Variants in ECM1 observed in about 807,000 individuals in gnomAD.
ECM1 encodes extracellular matrix protein 1.
A neutral mutation model predicts 57.9 loss-of-function variants in ECM1; 54 were observed. The ratio of observed to expected loss-of-function variants is 0.93; its 90% CI spans 0.75 to 1.17. ECM1 has a LOEUF of 1.17. Among genes scored for constraint, ECM1 ranks in the 50% most tolerant of loss-of-function variants. The probability of loss-of-function intolerance (pLI) is 0.00; values close to 1 mark genes in which losing one functional copy is unlikely to be tolerated. For missense variants in ECM1, 649 were observed against 688.1 expected (o/e 0.94, Z 0.64); for synonymous variants, 237 against 259.1 (o/e 0.91, Z 0.82).
rs1350516849 is a variant in ECM1, at chr1:150,513,223, T to C, written c.1393-14T>C. On this transcript the variant is annotated splice_polypyrimidine_tract_variant and intron_variant, in intron 9 of 9. Coordinates refer to ENST00000369047, the MANE Select transcript of ECM1 (RefSeq NM_004425.4). ...CCCCACCCCATCATCTGTTTTACTT[T>C]TCTCATTCATCAGAAATTAACCTTC... The C allele has an allele frequency of 6.8e-6, 11 of 1,613,734 alleles. No individual in the cohort carries two copies. Among genetic ancestry groups the C allele is most frequent in the African/African-American group, 1.3e-5 (1 of 74,936 alleles).
chr1:150,511,436 G>T (rs1443260937), intron 6 of ECM1, 21 bp from the exon 7 acceptor site: 1 of 1,614,064 alleles, frequency 6.2e-7, no homozygotes. Context: ...AAAGTGGGCT[G>T]ATCCTCCCCT....
intron 5 of ECM1, 176 bp from the exon 6 acceptor site, chr1:150,510,700 T>C (rs975589030): frequency 1.4e-6 from 1 of 734,468 alleles, no homozygotes; most frequent in African/African-American, 1.7e-5. Context: ...CACACCTCGC[T>C]TCTCTTTTCC....
In ECM1 at chr1:150,510,091, C is replaced by G. The variant is rs1348513528; in HGVS notation, c.305-11C>G. ...TCCCTGCTCCTTGGTGCCCTCACCC[C>G]TATCTTGCAGTGGGTCCCCCTCTCC... On this transcript the variant is annotated splice_polypyrimidine_tract_variant and intron_variant, in intron 4 of 9. Coordinates refer to ENST00000369047, the MANE Select transcript of ECM1 (RefSeq NM_004425.4). 3.1e-6 allele frequency: 5 copies of G among 1,613,880 alleles called. No homozygotes were observed. Among genetic ancestry groups the G allele is most frequent in the Admixed American group, 1.7e-5 (1 of 60,006 alleles).
rs1208355898 is a variant in ECM1, at chr1:150,509,574, T to C, written c.114T>C (p.Phe38=). Residue 38 remains phenylalanine, a synonymous_variant, in exon 2 of 10, where the codon TTT becomes TTC. Coordinates refer to ENST00000369047, the MANE Select transcript of ECM1 (RefSeq NM_004425.4). ...TGQRQLRPEH[F]QEVGYAAPPS... ...AGAGGCAGCTGAGGCCAGAGCACTTTCAAGAAGGTAAGAGTTTGGGGGAGC... is the reference window on the plus strand; with the variant it reads ...AGAGGCAGCTGAGGCCAGAGCACTTCCAAGAAGGTAAGAGTTTGGGGGAGC... 6.2e-7 allele frequency: 1 copy of C among 1,614,092 alleles called. No individual in the cohort carries two copies. Among genetic ancestry groups the C allele is most frequent in the East Asian group, 2.2e-5 (1 of 44,878 alleles).
chr1:150,510,060 G>A (rs748072622), intron 4 of ECM1, 42 bp from the exon 5 acceptor site: 2 of 1,613,768 alleles, frequency 1.2e-6, no homozygotes, highest in South Asian at 2.2e-5. Flanking sequence ...GTTGACACCA[G>A]GCTGATCCCT....
At chr1:150,512,891 CT>C in intron 9 of ECM1, 79 bp downstream of exon 9, 1 of 1,460,466 alleles carries the variant, frequency 6.8e-7, no homozygotes, top group Non-Finnish European at 9.6e-7. Flanking sequence ...CACCCCTTCT[CT>C]TTAGTACCTC....
chr1:150,511,154 C>T lies in ECM1; in HGVS notation c.664C>T (p.His222Tyr). ...GGAGATTGGATATTCCCGCTGCTGC[C>T]ACTGCCGCAGCCACACAAACCGCCT... is the stretch of plus-strand genomic sequence containing the variant. ...FLEIGYSRCC[H>Y]CRSHTNRLEC... is the part of the protein sequence containing the mutation. The change falls in exon 6 of 10, where the codon CAC (histidine) becomes TAC (tyrosine). Residue 222 changes from histidine to tyrosine, a missense_variant. Physicochemically the swap from His to Tyr is moderately conservative, Grantham distance 83. Coordinates refer to ENST00000369047, the MANE Select transcript of ECM1 (RefSeq NM_004425.4). The T allele has an allele frequency of 6.2e-7, 1 of 1,614,240 alleles. No homozygotes were observed. Among genetic ancestry groups the T allele is most frequent in the Non-Finnish European group, 8.5e-7 (1 of 1,180,040 alleles).
Position 150,509,643 on chromosome 1 carries a change from C to A in ECM1, c.122-18C>A, listed in dbSNP as rs886108513. 2 of 1,613,646 alleles carry A rather than the reference C, an allele frequency of 1.2e-6. No homozygotes were observed. Among genetic ancestry groups the A allele is most frequent in the Non-Finnish European group, 8.5e-7 (1 of 1,179,778 alleles). ...CAGGAGGCACTGTGGGCTCTGATGTCTCCCCTCTTGCTTCTAGTTGGCTAC... is the reference window on the plus strand; with the variant it reads ...CAGGAGGCACTGTGGGCTCTGATGTATCCCCTCTTGCTTCTAGTTGGCTAC... On this transcript the variant is annotated intron_variant, in intron 2 of 9. Coordinates refer to ENST00000369047, the MANE Select transcript of ECM1 (RefSeq NM_004425.4).
rs778449157 is a variant in ECM1, at chr1:150,511,509, G to A, written c.761G>A (p.Arg254Gln). 12 of 1,614,034 alleles carry A rather than the reference G, an allele frequency of 7.4e-6. No individual in the cohort carries two copies. The highest frequency in any genetic ancestry group is 6.7e-5 in the East Asian group (3 of 44,900). ...FCEAEFSVKT[R>Q]PHWCCTRQGE... Reference sequence around the variant, plus strand: ...GAGGCCGAGTTCTCGGTCAAGACCCGACCCCACTGGTGCTGCACGCGGCAG... The same window carrying A: ...GAGGCCGAGTTCTCGGTCAAGACCCAACCCCACTGGTGCTGCACGCGGCAG... The change falls in exon 7 of 10, where the codon CGA becomes CAA. Residue 254 changes from arginine (R) to glutamine (Q), a missense_variant. Transcript: ENST00000369047.
rs1670376415 is a variant in ECM1, at chr1:150,509,575, C to G, written c.115C>G (p.Gln39Glu). 2 of 1,614,016 alleles carry G rather than the reference C, an allele frequency of 1.2e-6. No homozygotes were observed. Among genetic ancestry groups the G allele is most frequent in the Admixed American group, 1.7e-5 (1 of 59,996 alleles). The change falls in exon 2 of 10, where the codon CAA becomes GAA. Residue 39 changes from glutamine to glutamate, a missense_variant. Transcript: ENST00000369047. ...GAGGCAGCTGAGGCCAGAGCACTTT[C>G]AAGAAGGTAAGAGTTTGGGGGAGCA... is the stretch of plus-strand genomic sequence containing the variant. ...GQRQLRPEHFQEVGYAAPPSP... is the reference protein window; with the variant it reads ...GQRQLRPEHFEEVGYAAPPSP...
intron 7 of ECM1, 43 bp from the exon 8 acceptor site, chr1:150,512,309 G>A: frequency 6.3e-7 from 1 of 1,599,988 alleles, no homozygotes; most frequent in Non-Finnish European, 8.6e-7. Context: ...GGAGAGAAGG[G>A]GCCAAGTGTC....
At chr1:150,512,245 G>C in intron 7 of ECM1, 107 bp from the exon 8 acceptor site, 1 of 1,300,298 alleles carries the variant, frequency 7.7e-7, no homozygotes, top group Non-Finnish European at 1.1e-6. Flanking sequence ...TGGGCCTCTC[G>C]GGCTGGGAGC....
Position 150,512,460 on chromosome 1 carries a change from C to T in ECM1, c.1192C>T (p.Arg398Cys), listed in dbSNP as rs758198816. 15 of 1,613,738 alleles carry T rather than the reference C, an allele frequency of 9.3e-6. No homozygotes were observed. Among genetic ancestry groups the T allele is most frequent in the Non-Finnish European group, 1.2e-5 (14 of 1,180,002 alleles). ...PSPTRDECFA[R>C]RAPYPNYDRD... ...CCCTACTCGGGATGAGTGCTTTGCC[C>T]GTCGGGCTCCTTACCCCAACTATGA... Residue 398 changes from arginine to cysteine, a missense_variant, in exon 8 of 10, where the codon CGT becomes TGT. Coordinates refer to ENST00000369047, the MANE Select transcript of ECM1 (RefSeq NM_004425.4).
Position 150,512,464 on chromosome 1 carries a change from G to A in ECM1, c.1196G>A (p.Arg399Gln), listed in dbSNP as rs755133030. Residue 399 changes from arginine (R) to glutamine (Q), a missense_variant, in exon 8 of 10, where the codon CGG (arginine) becomes CAG (glutamine). Arg to Gln is a conservative substitution (Grantham distance 43). Transcript: ENST00000369047. ...SPTRDECFAR[R>Q]APYPNYDRDI... Reference sequence around the variant, plus strand: ...ACTCGGGATGAGTGCTTTGCCCGTCGGGCTCCTTACCCCAACTATGACCGG... The same window carrying A: ...ACTCGGGATGAGTGCTTTGCCCGTCAGGCTCCTTACCCCAACTATGACCGG... The A allele has an allele frequency of 4.3e-6, 7 of 1,613,368 alleles. No homozygotes were observed. Among genetic ancestry groups the A allele is most frequent in the African/African-American group, 2.7e-5 (2 of 74,640 alleles).
At chr1:150,508,519 T>C (rs1054799024) in intron 1 of ECM1, among the ~76,000 whole-genome samples, 3 of 152,072 alleles carry the variant, frequency 2.0e-5, no homozygotes, top group African/African-American at 7.2e-5. Flanking sequence ...CCCAGTCAAA[T>C]AGACAACTGA....
In ECM1 at chr1:150,511,553, T is replaced by G. The variant is rs1670442279; in HGVS notation, c.805T>G (p.Cys269Gly). The G allele has an allele frequency of 1.9e-6, 3 of 1,614,158 alleles. No individual in the cohort carries two copies. Among genetic ancestry groups the G allele is most frequent in the Non-Finnish European group, 2.5e-6 (3 of 1,180,024 alleles). Reference protein sequence around the residue: ...CTRQGEARFSCFQEEAPQPHY... With the variant: ...CTRQGEARFSGFQEEAPQPHY... ...GCGGCAGGGGGAGGCTCGGTTCTCC[T>G]GCTTCCAGGAGGAAGCTCCCCAGCC... The change falls in exon 7 of 10, where the codon TGC becomes GGC. Residue 269 changes from cysteine (C) to glycine (G), a missense_variant. Physicochemically the swap from Cys to Gly is radical, Grantham distance 159. Coordinates refer to ENST00000369047, the MANE Select transcript of ECM1 (RefSeq NM_004425.4).
rs769488427 is a variant in ECM1, at chr1:150,509,549, A to G, written c.89A>G (p.Gln30Arg). The change falls in exon 2 of 10, where the codon CAG becomes CGG. Residue 30 changes from glutamine (Q) to arginine (R), a missense_variant. Gln to Arg is a conservative substitution (Grantham distance 43). Coordinates refer to ENST00000369047, the MANE Select transcript of ECM1 (RefSeq NM_004425.4). ...CCTCCAGGCTTCACGGCTACAGGAC[A>G]GAGGCAGCTGAGGCCAGAGCACTTT... The part of the protein sequence containing the change: ...ASEGGFTATG[Q>R]RQLRPEHFQE... The G allele has an allele frequency of 6.2e-7, 1 of 1,614,174 alleles. No individual in the cohort carries two copies. Among genetic ancestry groups the G allele is most frequent in the Non-Finnish European group, 8.5e-7 (1 of 1,180,026 alleles).
Position 150,511,523 on chromosome 1 carries a change from T to G in ECM1, c.775T>G (p.Cys259Gly). Reference sequence around the variant, plus strand: ...GGTCAAGACCCGACCCCACTGGTGCTGCACGCGGCAGGGGGAGGCTCGGTT... The same window carrying G: ...GGTCAAGACCCGACCCCACTGGTGCGGCACGCGGCAGGGGGAGGCTCGGTT... The part of the protein sequence containing the change: ...FSVKTRPHWC[C>G]TRQGEARFSC... Residue 259 changes from cysteine (C) to glycine (G), a missense_variant, in exon 7 of 10, where the codon TGC (cysteine) becomes GGC (glycine). By Grantham distance (159) the Cys-to-Gly change is radical. Coordinates refer to ENST00000369047, the MANE Select transcript of ECM1 (RefSeq NM_004425.4). 6.2e-7 allele frequency: 1 copy of G among 1,614,184 alleles called. No homozygotes were observed. The highest frequency in any genetic ancestry group is 8.5e-7 in the Non-Finnish European group (1 of 1,180,014).
chr1:150,509,393 G>A (rs1570882015), intron 1 of ECM1, 138 bp from the exon 2 acceptor site: 16 of 887,056 alleles, frequency 1.8e-5, no homozygotes, highest in Non-Finnish European at 2.4e-5. Context: ...TAGGGGACAC[G>A]GGGCAGGTGA....
Sources: gnomAD v4.1 joint callset for allele counts (sites outside exome capture counted in the v4.1 genomes callset) on GRCh38, gnomAD v4.1.1 for gene constraint, MANE v1.5 for transcripts, NCBI Gene and HGNC (gene_info 2026-07-23, HGNC 2026-07-21) for gene names.